Variants in PLPPR1 observed in about 807,000 individuals in gnomAD.
PLPPR1 encodes phospholipid phosphatase-related protein type 1.
Under a neutral mutation model 33.1 loss-of-function variants are expected in PLPPR1, and 10 were observed. The ratio of observed to expected loss-of-function variants is 0.30; its 90% CI spans 0.19 to 0.51. PLPPR1 has a LOEUF of 0.51. Among genes scored for constraint, PLPPR1 ranks in the 20% least tolerant of loss-of-function variants. The pLI, the probability that PLPPR1 is intolerant of heterozygous loss-of-function variation, is 0.97. For missense variants in PLPPR1, 304 were observed against 408.1 expected, an observed-to-expected ratio of 0.74 and a Z score of 2.20; for synonymous variants, 151 against 151.0, an observed-to-expected ratio of 1.00 and a Z score of 0.00.
chr9:101,065,327 A>G (rs1830398297), intron 1 of PLPPR1, among the ~76,000 whole-genome samples: 1 of 152,098 alleles, frequency 6.6e-6, no homozygotes, highest in Non-Finnish European at 1.5e-5. Context: ...TAGATGTCAT[A>G]TTATGAGAAC....
intron 2 of PLPPR1, among the ~76,000 whole-genome samples, chr9:101,254,386 C>T (rs1032412305): frequency 2.6e-5 from 4 of 152,088 alleles, no homozygotes; most frequent in Admixed American, 2.0e-4. Flanking sequence ...ATGAGAATCT[C>T]ATGTCACCGC....
chr9:101,252,039 A>G (rs978390770), intron 2 of PLPPR1, among the ~76,000 whole-genome samples: 1 of 152,180 alleles, frequency 6.6e-6, no homozygotes. Context: ...ATATATTACA[A>G]TATTCTATAG....
intron 2 of PLPPR1, among the ~76,000 whole-genome samples, chr9:101,193,394 G>A (rs1037165293): frequency 3.9e-5 from 6 of 151,958 alleles, no homozygotes; most frequent in South Asian, 4.2e-4. Flanking sequence ...GGAGTGGGGC[G>A]GGAAATACAA....
chr9:101,265,372 A>G (rs1465162297), intron 2 of PLPPR1, among the ~76,000 whole-genome samples: 1 of 152,188 alleles, frequency 6.6e-6, no homozygotes, highest in African/African-American at 2.4e-5. Context: ...TGCTTCTTTC[A>G]CACTGACATC....
intron 4 of PLPPR1, among the ~76,000 whole-genome samples, chr9:101,302,940 G>C (rs1828779867): frequency 1.3e-5 from 2 of 152,164 alleles, no homozygotes; most frequent in Admixed American, 1.3e-4. Context: ...TTTTACCATA[G>C]AGAAACAAAA....
intron 1 of PLPPR1, among the ~76,000 whole-genome samples, chr9:101,083,740 C>T (rs1233177476): frequency 6.6e-6 from 1 of 152,184 alleles, no homozygotes; most frequent in Non-Finnish European, 1.5e-5. Flanking sequence ...AGGAATGCCG[C>T]ATTGAATACG....
At chr9:101,226,843 AGAAG>A (rs1827080494) in intron 2 of PLPPR1, among the ~76,000 whole-genome samples, 2 of 151,936 alleles carry the variant, frequency 1.3e-5, no homozygotes, top group Non-Finnish European at 2.9e-5. Flanking sequence ...GCCAGAAGGG[AGAAG>A]GAAGGAGCAT....
intron 3 of PLPPR1, among the ~76,000 whole-genome samples, chr9:101,274,526 G>A (rs1828154346): frequency 6.6e-6 from 1 of 152,198 alleles, no homozygotes; most frequent in African/African-American, 2.4e-5. Flanking sequence ...CCTGCTAATG[G>A]CGCTTGATTT....
chr9:101,314,750 TA>T (rs34696830), intron 6 of PLPPR1, among the ~76,000 whole-genome samples: 46,731 of 145,872 alleles, frequency 0.32, 7,182 homozygotes, highest in African/African-American at 0.37. Context: ...AGCTTCAATT[TA>T]AAAAAAAAAA....
Position 101,032,028 on chromosome 9 carries a change from G to A in PLPPR1, c.-46+2926G>A, listed in dbSNP as rs184859471. Among the ~76,000 whole-genome samples, 16 of 152,270 alleles carry A rather than the reference G, an allele frequency of 1.1e-4. No homozygotes were observed. In the South Asian group the frequency reaches 1.9e-3, roughly 18 times the overall value. ...TCTCAGAGAGCTTGACATTAGCTGA[G>A]TCTTGAACAAGGACAAGGAGGAAAG... On this transcript the variant is annotated intron_variant, in intron 1 of 7. Transcript: ENST00000374874.
chr9:101,181,726 GGT>G (rs1197315609), intron 1 of PLPPR1, among the ~76,000 whole-genome samples: 3 of 65,596 alleles, frequency 4.6e-5, no homozygotes, highest in South Asian at 5.7e-4. Context: ...ACTATTTGGG[GGT>G]GTGTGTGTGT....
chr9:101,233,950 A>C (rs1038722545), intron 2 of PLPPR1, among the ~76,000 whole-genome samples: 3 of 151,870 alleles, frequency 2.0e-5, no homozygotes, highest in African/African-American at 7.3e-5. Flanking sequence ...AGGCTACTTG[A>C]CCCTTTAATA....
chr9:101,320,445 C>G (rs1302402705), intron 7 of PLPPR1, among the ~76,000 whole-genome samples: 2 of 152,150 alleles, frequency 1.3e-5, no homozygotes, highest in Non-Finnish European at 2.9e-5. Flanking sequence ...AAACTTGTCC[C>G]AAAACCTAAA....
intron 1 of PLPPR1, among the ~76,000 whole-genome samples, chr9:101,069,146 A>AG (rs889963397): frequency 6.6e-6 from 1 of 151,618 alleles, no homozygotes; most frequent in African/African-American, 2.4e-5. Context: ...TAGGAAAAAA[A>AG]AAAGCTGTGA....
chr9:101,309,618 C>A (rs560621364), intron 5 of PLPPR1, among the ~76,000 whole-genome samples, 157 bp downstream of exon 5: 1 of 152,032 alleles, frequency 6.6e-6, no homozygotes. Context: ...AGCCCCCCCA[C>A]ACACACACTT....
At chr9:101,119,635 A>G (rs1442606995) in intron 1 of PLPPR1, among the ~76,000 whole-genome samples, 1 of 152,254 alleles carries the variant, frequency 6.6e-6, no homozygotes, top group East Asian at 1.9e-4. Context: ...ATGGGAAACT[A>G]GAAACTCAGC....
chr9:101,317,041 T>C (rs149776947), intron 6 of PLPPR1, among the ~76,000 whole-genome samples: 126 of 152,264 alleles, frequency 8.3e-4, no homozygotes, highest in Non-Finnish European at 1.5e-3. Context: ...AGACACATAG[T>C]GGCCCTCAAT....
intron 1 of PLPPR1, among the ~76,000 whole-genome samples, chr9:101,087,698 T>A (rs1399372998): frequency 6.6e-6 from 1 of 152,212 alleles, no homozygotes; most frequent in Non-Finnish European, 1.5e-5. Flanking sequence ...ATACATTTTA[T>A]GTAAATAAGT....
At chr9:101,096,622 A>G (rs1830821780) in intron 1 of PLPPR1, among the ~76,000 whole-genome samples, 1 of 152,142 alleles carries the variant, frequency 6.6e-6, no homozygotes, top group South Asian at 2.1e-4. Context: ...TGTTAACAAC[A>G]CAGTGAACAT....
Sources: allele counts gnomAD v4.1 joint callset (sites outside exome capture counted in the v4.1 genomes callset), GRCh38; gene constraint gnomAD v4.1.1; transcripts MANE v1.5; gene names NCBI Gene and HGNC (gene_info 2026-07-23, HGNC 2026-07-21).